APCDD1L: variants seen among roughly 807,000 people sequenced by gnomAD.
APCDD1L encodes the protein protein APCDD1-like.
A neutral mutation model predicts 24.2 loss-of-function variants in APCDD1L; 21 were observed. The ratio of observed to expected loss-of-function variants is 0.87; its 90% CI spans 0.61 to 1.25. The LOEUF (loss-of-function observed/expected upper bound fraction) is 1.25, where lower values mean the gene tolerates loss of function less well. Ranked by LOEUF, APCDD1L falls within the 50% of genes most tolerant of loss-of-function variation. The pLI, the probability that APCDD1L is intolerant of heterozygous loss-of-function variation, is 0.00. For missense variants in APCDD1L, 704 were observed against 711.7 expected (o/e 0.99, Z 0.12); for synonymous variants, 321 against 323.6 (o/e 0.99, Z 0.09).
intron 1 of APCDD1L, among the ~76,000 whole-genome samples, chr20:58,492,739 A>G (rs530326585): frequency 2.6e-4 from 39 of 152,396 alleles, no homozygotes; most frequent in African/African-American, 9.1e-4. Flanking sequence ...GCATGCACTG[A>G]CACATACAGA....
At chr20:58,498,952 C>G (rs6026315) in intron 1 of APCDD1L, among the ~76,000 whole-genome samples, 1 of 152,178 alleles carries the variant, frequency 6.6e-6, no homozygotes, top group Non-Finnish European at 1.5e-5. Flanking sequence ...GCTGGTTCCC[C>G]CCTTGGCTGC....
chr20:58,486,854 G>GTTTTTTTTTTTTTTTTTT (rs747539318), intron 1 of APCDD1L, among the ~76,000 whole-genome samples: 3 of 80,438 alleles, frequency 3.7e-5, no homozygotes, highest in African/African-American at 5.2e-5. Context: ...TGGAGGGAAG[G>GTTTTTTTTTTTTTTTTTT]TTTTTTTTTT....
chr20:58,466,096 C>G (rs527879438), intron 3 of APCDD1L, among the ~76,000 whole-genome samples: 1 of 127,978 alleles, frequency 7.8e-6, no homozygotes, highest in African/African-American at 3.0e-5. Context: ...AGTAAAGTTA[C>G]GTTTCTTTCT....
At position 58,461,282 on chromosome 20, in the gene APCDD1L, C is replaced by A; in HGVS notation, c.1014G>T (p.Arg338Ser). ...FTVYAAGRYT[R>S]GTPSTRVRGG... Reference sequence around the variant, plus strand: ...CGCGGACCCTGGTGGATGGCGTGCCCCTGGTGTAGCGGCCGGCGGCATACA... The same window carrying A: ...CGCGGACCCTGGTGGATGGCGTGCCACTGGTGTAGCGGCCGGCGGCATACA... Residue 338 changes from arginine (R) to serine (S), a missense_variant, in exon 4 of 4, where the codon AGG becomes AGT. Physicochemically the swap from Arg to Ser is moderately radical, Grantham distance 110. Coordinates refer to ENST00000371149, the MANE Select transcript of APCDD1L (RefSeq NM_153360.3). The surrounding 1 kb of genome is among the most constrained non-coding windows in gnomAD (Gnocchi z 6.0). 1 of 1,612,548 alleles carries A rather than the reference C, an allele frequency of 6.2e-7. No homozygotes were observed. Among genetic ancestry groups the A allele is most frequent in the Non-Finnish European group, 8.5e-7 (1 of 1,179,172 alleles).
chr20:58,491,504 A>G (rs1157389269), intron 1 of APCDD1L, among the ~76,000 whole-genome samples: 1 of 152,200 alleles, frequency 6.6e-6, no homozygotes, highest in African/African-American at 2.4e-5. Context: ...AGTAGTAAAA[A>G]ATATAAGATA....
chr20:58,493,801 G>T (rs1179736451), intron 1 of APCDD1L, among the ~76,000 whole-genome samples: 1 of 152,192 alleles, frequency 6.6e-6, no homozygotes, highest in Admixed American at 6.5e-5. Context: ...GGGCTCACGG[G>T]TGTCCACATT....
chr20:58,490,752 C>A (rs1990210327), intron 1 of APCDD1L, among the ~76,000 whole-genome samples: 1 of 152,152 alleles, frequency 6.6e-6, no homozygotes, highest in African/African-American at 2.4e-5. Context: ...ACTCTATATA[C>A]CCTTCCGGGT....
At chr20:58,481,532 G>C (rs1283035523) in intron 1 of APCDD1L, among the ~76,000 whole-genome samples, 1 of 152,206 alleles carries the variant, frequency 6.6e-6, no homozygotes, top group Non-Finnish European at 1.5e-5. Context: ...GTTTTGAGGA[G>C]AGAGGGATGG....
chr20:58,485,564 T>G (rs1256215164), intron 1 of APCDD1L, among the ~76,000 whole-genome samples: 1 of 152,228 alleles, frequency 6.6e-6, no homozygotes, highest in Non-Finnish European at 1.5e-5. Context: ...CCCTTCTGTT[T>G]ATTTTCACTG....
intron 1 of APCDD1L, among the ~76,000 whole-genome samples, chr20:58,503,169 C>T (rs1486892805): frequency 6.6e-6 from 1 of 152,190 alleles, no homozygotes; most frequent in Non-Finnish European, 1.5e-5. Flanking sequence ...TTATGATCTT[C>T]TCAGAGATTT....
At chr20:58,475,146 GGGT>G (rs1245074203) in intron 1 of APCDD1L, among the ~76,000 whole-genome samples, 11 of 152,236 alleles carry the variant, frequency 7.2e-5, no homozygotes, top group African/African-American at 2.7e-4. Context: ...AGAGAGAAGA[GGGT>G]GGAGAAAAGA....
intron 1 of APCDD1L, among the ~76,000 whole-genome samples, chr20:58,472,020 G>A (rs556395347): frequency 1.3e-5 from 2 of 152,200 alleles, no homozygotes; most frequent in Non-Finnish European, 2.9e-5. Context: ...TGACCTTGCA[G>A]GCAGACCTTC....
intron 1 of APCDD1L, among the ~76,000 whole-genome samples, chr20:58,481,937 G>A (rs1004972156): frequency 6.6e-6 from 1 of 152,162 alleles, no homozygotes; most frequent in Admixed American, 6.5e-5. Flanking sequence ...TTTCAGAGAA[G>A]TTTGCAACAA....
chr20:58,505,713 T>C (rs1328767217), intron 1 of APCDD1L, among the ~76,000 whole-genome samples: 1 of 151,988 alleles, frequency 6.6e-6, no homozygotes, highest in East Asian at 1.9e-4. Flanking sequence ...TATGCTGAAG[T>C]CCTAACTCTA....
chr20:58,470,083 C>T (rs1156809667), intron 2 of APCDD1L, among the ~76,000 whole-genome samples: 1 of 152,232 alleles, frequency 6.6e-6, no homozygotes, highest in Non-Finnish European at 1.5e-5. Context: ...TGGCCTGCCA[C>T]TTCCCGCCCC....
At chr20:58,477,919 T>C (rs1482801522) in intron 1 of APCDD1L, among the ~76,000 whole-genome samples, 1 of 152,218 alleles carries the variant, frequency 6.6e-6, no homozygotes, top group Non-Finnish European at 1.5e-5. Context: ...TATGCCCAGC[T>C]CTTTCTGAGT....
intron 1 of APCDD1L, among the ~76,000 whole-genome samples, chr20:58,489,318 C>T (rs540531221): frequency 1.3e-5 from 2 of 152,248 alleles, no homozygotes; most frequent in South Asian, 2.1e-4. Flanking sequence ...AGGTGGATTG[C>T]TTGAATCCAG....
At chr20:58,480,721 A>G (rs188826392) in intron 1 of APCDD1L, among the ~76,000 whole-genome samples, 122 of 152,336 alleles carry the variant, frequency 8.0e-4, no homozygotes, top group African/African-American at 2.8e-3. Flanking sequence ...AGCCTGGCTC[A>G]TAAGCTAGGT....
chr20:58,490,448 C>G (rs1228745438), intron 1 of APCDD1L, among the ~76,000 whole-genome samples: 1 of 152,182 alleles, frequency 6.6e-6, no homozygotes, highest in Non-Finnish European at 1.5e-5. Flanking sequence ...TTTGGGGAAG[C>G]CTGTCCCACA....
Sources: gnomAD v4.1 joint callset for allele counts (sites outside exome capture counted in the v4.1 genomes callset) on GRCh38, gnomAD v4.1.1 for gene constraint, Gnocchi (gnomAD v3.1) non-coding constraint, MANE v1.5 for transcripts, NCBI Gene and HGNC (gene_info 2026-07-23, HGNC 2026-07-21) for gene names.